Variants in ARL10 observed in about 807,000 individuals in gnomAD.
The protein encoded by ARL10 is ARF like GTPase 10.
Under a neutral mutation model 26.1 loss-of-function variants are expected in ARL10, and 23 were observed. That is an observed-to-expected ratio of 0.88 (90% CI 0.63 to 1.25). ARL10 has a LOEUF of 1.25. Ranked by LOEUF, ARL10 falls within the 50% of genes most tolerant of loss-of-function variation. The pLI is 0.00. For synonymous variants in ARL10, 138 were observed against 149.1 expected, an observed-to-expected ratio of 0.93 and a Z score of 0.54; for missense variants, 300 against 323.6, an observed-to-expected ratio of 0.93 and a Z score of 0.56.
In ARL10 at chr5:176,400,205, AAAAG is replaced by A. The variant is rs202007442; in HGVS notation, c.134-1516_134-1513del. Among the ~76,000 whole-genome samples, 967 of 151,950 alleles carry A rather than the reference AAAAG, an allele frequency of 6.4e-3. 4 individuals are homozygous for A. The highest frequency in any genetic ancestry group is 0.021 in the African/African-American group (887 of 41,352). ...AAAGTGAGACTCTATCTCAAAAAAAAAAAGAAAGAAAGAAAGAAAGAAAAAAAGG... is the reference window on the plus strand; with the variant it reads ...AAAGTGAGACTCTATCTCAAAAAAAAAAAGAAAGAAAGAAAGAAAAAAAGG... On this transcript the variant is annotated intron_variant, in intron 1 of 1. Coordinates refer to the ARL10 transcript ENST00000514533.
chr5:176,389,229 C>A, downstream of ARL10: 1 of 1,392,734 alleles, frequency 7.2e-7, no homozygotes. Flanking sequence ...CCTCCCTCCG[C>A]TGTGATCCAG....
At chr5:176,384,336 G>A, downstream of ARL10, 1 of 1,614,198 alleles carries the variant, frequency 6.2e-7, no homozygotes, top group Non-Finnish European at 8.5e-7. Flanking sequence ...TCTGTTTTGG[G>A]GTATCTTGAT....
chr5:176,366,018 G>C (rs1768282447), intron 1 of ARL10, among the ~76,000 whole-genome samples: 1 of 152,208 alleles, frequency 6.6e-6, no homozygotes, highest in Admixed American at 6.5e-5. Context: ...GGGGGCCGGA[G>C]TTTGGAGGGC....
At chr5:176,389,407 C>G (rs374213515), downstream of ARL10, 1 of 1,614,102 alleles carries the variant, frequency 6.2e-7, no homozygotes, top group Non-Finnish European at 8.5e-7. Flanking sequence ...GCTCTCAGCT[C>G]ATGATGCGCA....
downstream of ARL10, chr5:176,401,970 T>C (rs1756841633): frequency 3.0e-6 from 1 of 336,180 alleles, no homozygotes; most frequent in Non-Finnish European, 5.9e-6. Context: ...GAATGACCTA[T>C]TCGGAGTCTA....
At chr5:176,406,096 C>G, downstream of ARL10, 1 of 954,044 alleles carries the variant, frequency 1.0e-6, no homozygotes, top group East Asian at 1.2e-4. Flanking sequence ...TGCCCCTGTC[C>G]CCACCCCTAC....
At chr5:176,392,671 G>C (rs1007440063), downstream of ARL10, 3 of 1,350,786 alleles carry the variant, frequency 2.2e-6, no homozygotes, top group Non-Finnish European at 3.1e-6. The surrounding 1 kb of genome is among the most constrained non-coding windows in gnomAD (Gnocchi z 5.2). Context: ...AGTGGAATAG[G>C]CTGTGGGTAG....
At chr5:176,395,003 G>A (rs1295111798) in intron 1 of ARL10, among the ~76,000 whole-genome samples, 2 of 151,950 alleles carry the variant, frequency 1.3e-5, no homozygotes, top group African/African-American at 2.4e-5. Flanking sequence ...CTGCCTTCTG[G>A]ATCAAGTCTG....
At chr5:176,371,246 A>AG (rs1561773895) in intron 3 of ARL10, among the ~76,000 whole-genome samples, 1 of 152,036 alleles carries the variant, frequency 6.6e-6, no homozygotes, top group Non-Finnish European at 1.5e-5. Flanking sequence ...GTGGTGGCTC[A>AG]CACCTGTAGT....
At chr5:176,389,233 G>C, downstream of ARL10, 1 of 1,411,844 alleles carries the variant, frequency 7.1e-7, no homozygotes, top group Non-Finnish European at 9.7e-7. Flanking sequence ...CCTCCGCTGT[G>C]ATCCAGAGAT....
chr5:176,388,960 G>T, downstream of ARL10: 1 of 1,614,092 alleles, frequency 6.2e-7, no homozygotes, highest in Non-Finnish European at 8.5e-7. Flanking sequence ...GCGAGAACCC[G>T]GTGGTACCCA....
At chr5:176,366,708 G>C (rs1364680299) in intron 2 of ARL10, 127 bp downstream of exon 2, 2 of 1,147,652 alleles carry the variant, frequency 1.7e-6, no homozygotes, top group East Asian at 5.1e-5. Flanking sequence ...CCTTCCCACC[G>C]CTCTCCGGGG....
chr5:176,413,215 GAC>G, the ARL10 span, among the ~76,000 whole-genome samples: 5 of 152,168 alleles, frequency 3.3e-5, no homozygotes, highest in Non-Finnish European at 7.3e-5. Context: ...CTGAGACAGA[GAC>G]ACGTCCCAGG....
At chr5:176,366,610 G>A (rs1465136906) in intron 2 of ARL10, 29 bp downstream of exon 2, 5 of 1,610,492 alleles carry the variant, frequency 3.1e-6, no homozygotes, top group East Asian at 4.5e-5. Flanking sequence ...CCATCTCCCC[G>A]TCTCCTCTAC....
At chr5:176,383,737 G>A (rs1025224598), downstream of ARL10, among the ~76,000 whole-genome samples, 21 of 152,212 alleles carry the variant, frequency 1.4e-4, no homozygotes, top group Admixed American at 3.9e-4. Context: ...CAGGGTTGCC[G>A]GCAAGCTTCT....
downstream of ARL10, chr5:176,388,819 C>T (rs762696953): frequency 4.3e-6 from 7 of 1,613,546 alleles, no homozygotes; most frequent in South Asian, 6.6e-5. Flanking sequence ...GTGGCCCGGA[C>T]ATGGCGACTC....
chr5:176,409,539 G>A, the ARL10 span, among the ~76,000 whole-genome samples: 1 of 149,558 alleles, frequency 6.7e-6, no homozygotes. Flanking sequence ...TTAGCCTCCC[G>A]AGTAGCTGGA....
At chr5:176,409,319 T>C in the ARL10 span, among the ~76,000 whole-genome samples, 11 of 141,780 alleles carry the variant, frequency 7.8e-5, no homozygotes, top group South Asian at 1.8e-3. Flanking sequence ...AAAAGGACCA[T>C]ACTGTGTATA....
chr5:176,385,191 C>T, downstream of ARL10: 1 of 1,363,006 alleles, frequency 7.3e-7, no homozygotes, highest in Non-Finnish European at 1.1e-6. Context: ...GGCGCCTTCC[C>T]AGCCAGCCCA....
Sources: allele counts gnomAD v4.1 joint callset (sites outside exome capture counted in the v4.1 genomes callset), GRCh38; gene constraint gnomAD v4.1.1; non-coding constraint Gnocchi (gnomAD v3.1); transcripts MANE v1.5; gene names NCBI Gene and HGNC (gene_info 2026-07-23, HGNC 2026-07-21).